The following HAP1 variants were observed in gnomAD, a reference collection of about 807,000 sequenced individuals.
HAP1 encodes huntingtin associated protein 1.
Under a neutral mutation model 60.3 loss-of-function variants are expected in HAP1, and 59 were observed. The observed-to-expected ratio is 0.98, with a 90% confidence interval of 0.79 to 1.22. The LOEUF (loss-of-function observed/expected upper bound fraction) is 1.22, where lower values mean the gene tolerates loss of function less well. HAP1 is among the 50% of genes most tolerant of loss of function. The pLI, the probability that HAP1 is intolerant of heterozygous loss-of-function variation, is 0.00. For missense variants in HAP1, 825 were observed against 785.3 expected, an observed-to-expected ratio of 1.05 and a Z score of -0.60; for synonymous variants, 346 against 330.6, an observed-to-expected ratio of 1.05 and a Z score of -0.50.
At chr17:41,725,257 T>G (rs536949883) in intron 10 of HAP1, 103 bp from the exon 11 acceptor site, 27 of 982,778 alleles carry the variant, frequency 2.7e-5, no homozygotes, top group Middle Eastern at 3.3e-4. Context: ...CTCCTGGTTC[T>G]GTCCCAGCCA....
chr17:41,717,956 T>C (rs782757617), downstream of HAP1: 44 of 468,386 alleles, frequency 9.4e-5, no homozygotes, highest in African/African-American at 7.0e-4. Context: ...TACCTTGAGC[T>C]ACCCGCCACC....
downstream of HAP1, chr17:41,721,674 C>T (rs933782043): frequency 6.6e-6 from 1 of 152,608 alleles, no homozygotes; most frequent in Admixed American, 6.6e-5. Context: ...CTCAAGTGAT[C>T]CTCTCACCTC....
chr17:41,732,352 G>A lies in HAP1; in HGVS notation c.592C>T (p.Leu198=), dbSNP rs1912283507. The A allele has an allele frequency of 6.2e-7, 1 of 1,614,056 alleles. No individual in the cohort carries two copies. The highest frequency in any genetic ancestry group is 1.3e-5 in the African/African-American group (1 of 74,924). The change falls in exon 3 of 11, where the codon CTG becomes TTG. Residue 198 remains leucine, a synonymous_variant. Transcript: ENST00000347901. ...GTGTTCAGGTCCCTCTCTCTCTGCA[G>A]GACCATCCCATAGGTAACGCTCTCC... ...VWESVTYGMV[L]QRERDLNTAA... is the part of the protein sequence containing the mutation.
intron 6 of HAP1, among the ~76,000 whole-genome samples, chr17:41,729,395 C>T (rs1480099648): frequency 3.4e-5 from 5 of 147,294 alleles, no homozygotes; most frequent in East Asian, 2.1e-4. Flanking sequence ...ACTAAAAATA[C>T]CAAAATTAGC....
Position 41,727,121 on chromosome 17 carries a change from C to G in HAP1, c.1299G>C (p.Glu433Asp). Residue 433 changes from glutamate (E) to aspartate (D), a missense_variant, in exon 9 of 11, where the codon GAG (glutamate) becomes GAC (aspartate). Coordinates refer to ENST00000347901, the MANE Select transcript of HAP1 (RefSeq NM_177977.3). Reference sequence around the variant, plus strand: ...ACGTTCTGAGCTCCTCAGCCAGCGTCTCCTGGAAACCAGGAAGAGTCTCCT... The same window carrying G: ...ACGTTCTGAGCTCCTCAGCCAGCGTGTCCTGGAAACCAGGAAGAGTCTCCT... ...QEEETLPGFQ[E>D]TLAEELRTSL... 5 of 1,592,888 alleles carry G rather than the reference C, an allele frequency of 3.1e-6. No homozygotes were observed. Among genetic ancestry groups the G allele is most frequent in the Non-Finnish European group, 4.3e-6 (5 of 1,163,244 alleles).
rs201185683 is a variant in HAP1, at chr17:41,731,761, G to A, written c.897-18C>T. The A allele has an allele frequency of 7.6e-6, 12 of 1,574,132 alleles. No homozygotes were observed. In the African/African-American group the frequency reaches 8.1e-5, roughly 11 times the overall value. ...GCGAAATCCTAGGGGAGGGAGGAAT[G>A]GGAGTCAGGGTGCAGGGAGTGGGGC... On this transcript the variant is annotated intron_variant, in intron 4 of 10. Transcript: ENST00000347901.
In HAP1 at chr17:41,724,542, A is replaced by G; in HGVS notation, c.*159T>C. The G allele has an allele frequency of 1.6e-6, 1 of 635,936 alleles. No individual in the cohort carries two copies. Among genetic ancestry groups the G allele is most frequent in the Non-Finnish European group, 2.8e-6 (1 of 361,910 alleles). 39.4% of individuals were successfully genotyped at this position (635,936 alleles called of 1,614,324 possible). The stretch of plus-strand genomic sequence containing the variant: ...AAAGTGGATGGAGATCTGGAATCCT[A>G]AGCAAATGCCACATAAATGAGCACT... On this transcript the variant is annotated 3_prime_UTR_variant, in exon 11 of 11. Transcript: ENST00000347901.
In HAP1 at chr17:41,731,855, G is replaced by A. The variant is rs192053712; in HGVS notation, c.896+82C>T. The A allele has an allele frequency of 8.3e-5, 69 of 831,600 alleles. No individual in the cohort carries two copies. The Admixed American group carries it at 1.4e-3, about 17-fold the overall frequency. 51.5% of individuals were successfully genotyped at this position (831,600 alleles called of 1,614,324 possible). A position where few individuals can be genotyped will look rare whatever the true frequency, so the allele number is the denominator to read the frequency against. ...TTAGTTCCAGCAACCCTGCCAGCAA[G>A]CACATCACCTGTGTCCCTCTTAACA... On this transcript the variant is annotated intron_variant, in intron 4 of 10. Transcript: ENST00000347901.
chr17:41,726,528 C>T (rs1911640814), intron 9 of HAP1, among the ~76,000 whole-genome samples: 1 of 151,208 alleles, frequency 6.6e-6, no homozygotes, highest in African/African-American at 2.4e-5. Flanking sequence ...CGCCACTGCA[C>T]TCCAGTCCAG....
chr17:41,728,026 C>G (rs898261210), intron 7 of HAP1, among the ~76,000 whole-genome samples, 175 bp downstream of exon 7: 4 of 149,968 alleles, frequency 2.7e-5, no homozygotes, highest in African/African-American at 1.0e-4. Context: ...CCAGGACCCT[C>G]TCTGGGCCTT....
intron 9 of HAP1, 80 bp from the exon 10 acceptor site, chr17:41,725,977 C>A: frequency 3.7e-6 from 4 of 1,082,424 alleles, no homozygotes; most frequent in Non-Finnish European, 5.7e-6. Context: ...AGCTGAAGAA[C>A]CTTAGGTAGT....
At chr17:41,727,660 T>C (rs1911773773) in intron 8 of HAP1, 102 bp downstream of exon 8, 3 of 731,160 alleles carry the variant, frequency 4.1e-6, no homozygotes, top group South Asian at 1.6e-5. Context: ...ACTCAGTTCC[T>C]GCTAGTCCTC....
chr17:41,732,510 T>C lies in HAP1; in HGVS notation c.550-116A>G, dbSNP rs1912300677. 2.2e-5 allele frequency: 25 copies of C among 1,148,880 alleles called. No homozygotes were observed. In the South Asian group the frequency reaches 3.7e-4, roughly 17 times the overall value. The allele number at this position is 1,148,880 out of a possible 1,614,324, so 71.2% of individuals were successfully genotyped here. ...CCATTAACCCACTGTGGAACCTGGC[T>C]CAGTTTCCCCTCATGGAAAAAGAAG... is the stretch of plus-strand genomic sequence containing the variant. On this transcript the variant is annotated intron_variant, in intron 2 of 10. Coordinates refer to ENST00000347901, the MANE Select transcript of HAP1 (RefSeq NM_177977.3).
At position 41,731,666 on chromosome 17, in the gene HAP1, T is replaced by C. The variant is rs1912210436; in HGVS notation, c.974A>G (p.Glu325Gly). 2 of 1,613,976 alleles carry C rather than the reference T, an allele frequency of 1.2e-6. No individual in the cohort carries two copies. The highest frequency in any genetic ancestry group is 1.7e-6 in the Non-Finnish European group (2 of 1,179,868). The change falls in exon 5 of 11, where the codon GAG (glutamate) becomes GGG (glycine). Residue 325 changes from glutamate to glycine, a missense_variant. Physicochemically the swap from Glu to Gly is moderately conservative, Grantham distance 98 (BLOSUM62 -2). Coordinates refer to ENST00000347901, the MANE Select transcript of HAP1 (RefSeq NM_177977.3). ...EALQEKLRLL[E>G]EENHQLREEA... is the part of the protein sequence containing the mutation. Reference sequence around the variant, plus strand: ...TTCTCTCAGCTGATGATTCTCCTCCTCCAGCAGCCTCAGCTTCTCCTGCAA... The same window carrying C: ...TTCTCTCAGCTGATGATTCTCCTCCCCCAGCAGCCTCAGCTTCTCCTGCAA...
intron 7 of HAP1, 55 bp from the exon 8 acceptor site, chr17:41,727,891 C>A: frequency 1.9e-6 from 2 of 1,063,242 alleles, no homozygotes; most frequent in Non-Finnish European, 1.4e-6. Context: ...ACTCAGGGCA[C>A]CCCCTGCTTC....
intron 1 of HAP1, among the ~76,000 whole-genome samples, chr17:41,733,402 G>A (rs111263246): frequency 0.048 from 6,838 of 143,790 alleles, 623 homozygotes; most frequent in African/African-American, 0.17. Context: ...TGAGGTAAGG[G>A]GGTCACAGTC....
chr17:41,725,756 A>AG, intron 10 of HAP1, 103 bp downstream of exon 10: 2 of 855,612 alleles, frequency 2.3e-6, no homozygotes, highest in Admixed American at 1.8e-5. Context: ...CCGAGATAGC[A>AG]GGGCCTTCTC....
chr17:41,725,971 G>A (rs1313782841), intron 9 of HAP1, 74 bp from the exon 10 acceptor site: 4 of 1,149,578 alleles, frequency 3.5e-6, no homozygotes, highest in Admixed American at 1.7e-5. Flanking sequence ...TGGTCAAGCT[G>A]AAGAACCTTA....
chr17:41,727,896 T>G (rs1555589409), intron 7 of HAP1, 60 bp from the exon 8 acceptor site: 1 of 1,038,892 alleles, frequency 9.6e-7, no homozygotes, highest in African/African-American at 1.5e-5. Flanking sequence ...GGGCACCCCC[T>G]GCTTCCAGCA....
Sources: gnomAD v4.1 joint callset for allele counts (sites outside exome capture counted in the v4.1 genomes callset) on GRCh38, gnomAD v4.1.1 for gene constraint, MANE v1.5 for transcripts, NCBI Gene and HGNC (gene_info 2026-07-23, HGNC 2026-07-21) for gene names.